Variants in DNAJC27 observed in about 807,000 individuals in gnomAD.
DNAJC27 encodes the protein DnaJ heat shock protein family (Hsp40) member C27.
In DNAJC27, 25 loss-of-function variants were observed where a neutral mutation model predicts 31.4. That is an observed-to-expected ratio of 0.80 (90% CI 0.58 to 1.11). DNAJC27 has a LOEUF of 1.11. Ranked by LOEUF, DNAJC27 falls within the 50% of genes most tolerant of loss-of-function variation. The pLI is 0.00. For synonymous variants in DNAJC27, 106 were observed against 112.7 expected, an observed-to-expected ratio of 0.94 and a Z score of 0.37; for missense variants, 356 against 347.3, an observed-to-expected ratio of 1.02 and a Z score of -0.20.
In DNAJC27 at chr2:24,953,017, C is replaced by CT. The variant is rs1449935840; in HGVS notation, c.529-1464dup. Among the ~76,000 whole-genome samples the CT allele has an allele frequency of 2.6e-5, 4 of 152,106 alleles. No homozygotes were observed. In the East Asian group the frequency reaches 7.7e-4, roughly 29 times the overall value. ...GATCCTGTCTCAGCCTCCTGAGCAG[C>CT]TGGGATTACAGGTATGTGCCACTGC... is the stretch of plus-strand genomic sequence containing the variant. On this transcript the variant is annotated intron_variant, in intron 5 of 6. Coordinates refer to ENST00000264711, the MANE Select transcript of DNAJC27 (RefSeq NM_016544.3).
intron 2 of DNAJC27, among the ~76,000 whole-genome samples, chr2:24,966,270 A>C (rs1666178248): frequency 6.6e-6 from 1 of 152,128 alleles, no homozygotes; most frequent in Non-Finnish European, 1.5e-5. Context: ...GAAAAGACAA[A>C]AGGGGAAAGG....
At chr2:24,959,506 A>C (rs1665989661) in intron 3 of DNAJC27, among the ~76,000 whole-genome samples, 1 of 152,138 alleles carries the variant, frequency 6.6e-6, no homozygotes, top group Non-Finnish European at 1.5e-5. Context: ...AAACCCCTCA[A>C]CTTCTTCCTT....
At chr2:24,950,684 T>C (rs932681112) in intron 6 of DNAJC27, among the ~76,000 whole-genome samples, 21 of 152,018 alleles carry the variant, frequency 1.4e-4, no homozygotes, top group African/African-American at 4.8e-4. Flanking sequence ...CCATCTCTAC[T>C]AAACATATAA....
At chr2:24,963,250 T>C (rs939242994) in intron 3 of DNAJC27, 155 bp downstream of exon 3, 2 of 473,486 alleles carry the variant, frequency 4.2e-6, no homozygotes, top group Non-Finnish European at 7.5e-6. Context: ...TCAACAGTTG[T>C]CTATTAACTC....
At chr2:24,971,528 C>G (rs570796071) in intron 1 of DNAJC27, 11 of 263,324 alleles carry the variant, frequency 4.2e-5, no homozygotes, top group African/African-American at 1.5e-4. Context: ...AGGCCGACGG[C>G]CCCTCATGGG....
chr2:24,971,729 C>A, intron 1 of DNAJC27, 89 bp downstream of exon 1: 1 of 1,197,202 alleles, frequency 8.4e-7, no homozygotes, highest in Non-Finnish European at 1.2e-6. Context: ...GGAGGCCGGG[C>A]CCCAGGCTGT....
intron 5 of DNAJC27, among the ~76,000 whole-genome samples, chr2:24,955,546 A>G (rs1665884840): frequency 6.6e-6 from 1 of 152,214 alleles, no homozygotes; most frequent in African/African-American, 2.4e-5. Flanking sequence ...AATTTGATGA[A>G]AAACACCCAC....
intron 2 of DNAJC27, among the ~76,000 whole-genome samples, chr2:24,964,713 A>G (rs1202716743): frequency 6.6e-6 from 1 of 152,188 alleles, no homozygotes; most frequent in Admixed American, 6.5e-5. Flanking sequence ...CTCTTCCAAA[A>G]AAATTTCTGC....
intron 3 of DNAJC27, chr2:24,958,619 T>C (rs12986502): frequency 0.11 from 41,578 of 383,146 alleles, 2,786 homozygotes; most frequent in East Asian, 0.24. Flanking sequence ...ATGGGGATAA[T>C]ACTACTTACT....
chr2:24,971,196 G>C (rs1310270899), intron 1 of DNAJC27, among the ~76,000 whole-genome samples: 1 of 152,194 alleles, frequency 6.6e-6, no homozygotes, highest in Non-Finnish European at 1.5e-5. Flanking sequence ...GTTTATAGCT[G>C]ATGAACCACA....
intron 3 of DNAJC27, among the ~76,000 whole-genome samples, chr2:24,962,667 GAC>G (rs561099703): frequency 1.3e-3 from 193 of 152,286 alleles, no homozygotes; most frequent in Non-Finnish European, 2.1e-3. Context: ...GAATTTGTGG[GAC>G]ACACAGTTGT....
At chr2:24,964,168 C>A (rs1394606241) in intron 2 of DNAJC27, among the ~76,000 whole-genome samples, 1 of 151,958 alleles carries the variant, frequency 6.6e-6, no homozygotes, top group Non-Finnish European at 1.5e-5. Flanking sequence ...CGCCTGTAAT[C>A]CCAGCACTGT....
In DNAJC27 at chr2:24,963,394, G is replaced by C. The variant is rs755755538; in HGVS notation, c.240+11C>G. The C allele has an allele frequency of 5.6e-6, 9 of 1,610,468 alleles. No individual in the cohort carries two copies. The highest frequency in any genetic ancestry group is 7.6e-6 in the Non-Finnish European group (9 of 1,177,358). ...TACTGGATATAGGTTTTGTCAAAAA[G>C]GCTTTCTTACCTCATAGAAGAAGGG... On this transcript the variant is annotated intron_variant, in intron 3 of 6. Coordinates refer to ENST00000264711, the MANE Select transcript of DNAJC27 (RefSeq NM_016544.3).
At chr2:24,965,746 G>A (rs1456081063) in intron 2 of DNAJC27, among the ~76,000 whole-genome samples, 3 of 152,090 alleles carry the variant, frequency 2.0e-5, no homozygotes, top group Non-Finnish European at 2.9e-5. Flanking sequence ...AGCCATGAAG[G>A]ATACATCTGA....
chr2:24,968,876 A>T (rs2118826), intron 1 of DNAJC27: 67,552 of 152,590 alleles, frequency 0.44, 18,144 homozygotes, highest in East Asian at 0.75. Flanking sequence ...CTTAAAAAAA[A>T]TTTTTTTTTA....
At chr2:24,950,699 T>C (rs1368773908) in intron 6 of DNAJC27, among the ~76,000 whole-genome samples, 2 of 151,862 alleles carry the variant, frequency 1.3e-5, no homozygotes, top group Non-Finnish European at 2.9e-5. Flanking sequence ...ATATAAAAAT[T>C]AGCCGGGCGT....
At chr2:24,956,955 C>T in intron 5 of DNAJC27, 88 bp downstream of exon 5, 2 of 1,466,022 alleles carry the variant, frequency 1.4e-6, no homozygotes, top group South Asian at 2.6e-5. Flanking sequence ...TGAGAAATTC[C>T]TATTACTTTT....
chr2:24,955,708 TTAA>T (rs1399382479), intron 5 of DNAJC27, among the ~76,000 whole-genome samples: 2 of 152,228 alleles, frequency 1.3e-5, no homozygotes, highest in Admixed American at 6.5e-5. Context: ...GGTACAGAGA[TTAA>T]TAAGAGTCAG....
intron 2 of DNAJC27, 73 bp downstream of exon 2, chr2:24,967,138 T>G: frequency 5.1e-6 from 6 of 1,174,312 alleles, no homozygotes; most frequent in Non-Finnish European, 7.6e-6. Flanking sequence ...AGAGCACTGA[T>G]GCAAATATGG....
Sources: gnomAD v4.1 joint callset for allele counts (sites outside exome capture counted in the v4.1 genomes callset) on GRCh38, gnomAD v4.1.1 for gene constraint, MANE v1.5 for transcripts, NCBI Gene and HGNC (gene_info 2026-07-23, HGNC 2026-07-21) for gene names.